OPHN1: variants seen among roughly 807,000 people sequenced by gnomAD.
The protein encoded by OPHN1 is oligophrenin 1.
A neutral mutation model predicts 60.7 loss-of-function variants in OPHN1; 11 were observed. The observed-to-expected ratio is 0.18, with a 90% CI of 0.11 to 0.30. OPHN1 has a LOEUF of 0.30. Ranked by LOEUF, OPHN1 falls within the 10% of genes least tolerant of loss-of-function variation. The pLI is 1.00. For synonymous variants in OPHN1, 226 were observed against 222.6 expected (o/e 1.02, Z -0.14); for missense variants, 449 against 611.0 (o/e 0.73, Z 2.80).
chrX:68,180,017 T>C (rs1325440877), intron 15 of OPHN1, among the ~76,000 whole-genome samples: 1 of 111,147 alleles, frequency 9.0e-6, no homozygotes, highest in Non-Finnish European at 1.9e-5. Context: ...TACGCTTCAG[T>C]TTGGGAGGGG....
At chrX:68,286,043 T>G (rs894222910) in intron 3 of OPHN1, among the ~76,000 whole-genome samples, 4 of 111,347 alleles carry the variant, frequency 3.6e-5, no homozygotes, top group African/African-American at 1.3e-4. Flanking sequence ...GGGCAGGTTC[T>G]ATTAATTGCT....
At chrX:68,122,831 G>A (rs1027789786) in intron 15 of OPHN1, among the ~76,000 whole-genome samples, 7 of 110,482 alleles carry the variant, frequency 6.3e-5, no homozygotes, top group Admixed American at 4.8e-4. Flanking sequence ...GAAAAACAAC[G>A]AAGCATGACT....
At chrX:68,300,345 T>C (rs752007579) in intron 2 of OPHN1, among the ~76,000 whole-genome samples, 54 of 112,607 alleles carry the variant, frequency 4.8e-4, no homozygotes, top group African/African-American at 1.7e-3. Flanking sequence ...AGCATTTGGC[T>C]GAAACAAATT....
intron 2 of OPHN1, among the ~76,000 whole-genome samples, chrX:68,350,225 T>C (rs941136266): frequency 9.0e-5 from 10 of 111,435 alleles, no homozygotes; most frequent in African/African-American, 3.3e-4. Flanking sequence ...TTTGAAAATA[T>C]GTACATCTAT....
intron 5 of OPHN1, among the ~76,000 whole-genome samples, chrX:68,267,272 T>G (rs1171995087): frequency 9.0e-6 from 1 of 111,500 alleles, no homozygotes; most frequent in Non-Finnish European, 1.9e-5. Context: ...GACCACATAG[T>G]TGGAAGTAAA....
At chrX:68,068,594 A>G (rs1270517742) in intron 20 of OPHN1, among the ~76,000 whole-genome samples, 6 of 110,997 alleles carry the variant, frequency 5.4e-5, no homozygotes, top group Non-Finnish European at 9.4e-5. Flanking sequence ...TACCCAAGAT[A>G]ATTAAAAACA....
In OPHN1 at chrX:68,299,084, G is replaced by A. The variant is rs1034133483; in HGVS notation, c.167C>T (p.Ala56Val). 8.6e-7 allele frequency: 1 copy of A among 1,169,075 alleles called. No individual in the cohort carries two copies. Among genetic ancestry groups the A allele is most frequent in the African/African-American group, 1.8e-5 (1 of 57,002 alleles). ...CAGCGTCTGGGAAAATTTCTGAACA[G>A]CAGAAGAATAATCTGCAAAGGAAGG... ...LISAMRNYSSAVQKFSQTLQS... is the reference protein window; with the variant it reads ...LISAMRNYSSVVQKFSQTLQS... The change falls in exon 3 of 25, where the codon GCT (alanine) becomes GTT (valine). Residue 56 changes from alanine to valine, a missense_variant. Around this residue, in one of 4 missense-constraint regions of OPHN1, gnomAD observed 99 missense variants for 155.2 expected, o/e 0.64. Coordinates refer to ENST00000355520, the MANE Select transcript of OPHN1 (RefSeq NM_002547.3).
intron 2 of OPHN1, among the ~76,000 whole-genome samples, chrX:68,371,838 G>A (rs1003987703): frequency 1.8e-5 from 2 of 112,410 alleles, no homozygotes; most frequent in Non-Finnish European, 3.8e-5. Flanking sequence ...TCTGCCTCCA[G>A]GATTCAAAGA....
intron 18 of OPHN1, among the ~76,000 whole-genome samples, chrX:68,110,162 A>C (rs2147427045): frequency 8.9e-6 from 1 of 111,913 alleles, no homozygotes; most frequent in African/African-American, 3.2e-5. Flanking sequence ...GTTTCCCCAT[A>C]GTCTAATTAA....
Position 68,212,024 on chromosome X carries a change from T to C in OPHN1, c.702+84A>G, listed in dbSNP as rs942822637. ...ACAAATTGGCTAGGATGCAGTAACC[T>C]AGAATTCCAAGAATCAAGGTCGCTA... On this transcript the variant is annotated intron_variant, in intron 8 of 24. Transcript: ENST00000355520. 1.0e-5 allele frequency: 7 copies of C among 669,320 alleles called. No individual in the cohort carries two copies. The Admixed American group carries it at 1.1e-4, about 10-fold the overall frequency. 55.2% of individuals were successfully genotyped at this position (669,320 alleles called of 1,213,427 possible).
At chrX:68,171,742 T>TAA (rs60388555) in intron 15 of OPHN1, among the ~76,000 whole-genome samples, 12 of 95,979 alleles carry the variant, frequency 1.3e-4, no homozygotes, top group Non-Finnish European at 1.9e-4. Flanking sequence ...ATCTCAAAAA[T>TAA]AAAAAAAAAA....
chrX:68,381,963 C>A (rs1337448510), intron 2 of OPHN1, among the ~76,000 whole-genome samples: 2 of 111,728 alleles, frequency 1.8e-5, no homozygotes, highest in Non-Finnish European at 3.8e-5. Context: ...CAGAAAATCT[C>A]AAATTATAGT....
At chrX:68,333,416 A>T (rs771116349) in intron 2 of OPHN1, among the ~76,000 whole-genome samples, 5 of 110,852 alleles carry the variant, frequency 4.5e-5, no homozygotes, top group African/African-American at 1.6e-4. Flanking sequence ...CAGGCAGATC[A>T]CCTGAGGCCG....
At chrX:68,322,030 G>A (rs1279247187) in intron 2 of OPHN1, among the ~76,000 whole-genome samples, 1 of 110,581 alleles carries the variant, frequency 9.0e-6, no homozygotes, top group African/African-American at 3.3e-5. Context: ...GGAGTGCAGT[G>A]GCGCCATCAT....
At chrX:68,156,152 C>T (rs1464721480) in intron 15 of OPHN1, among the ~76,000 whole-genome samples, 1 of 110,166 alleles carries the variant, frequency 9.1e-6, no homozygotes, top group East Asian at 2.9e-4. Flanking sequence ...TCAGAAATTT[C>T]TTAAAGAAAG....
rs182744468 is a variant in OPHN1, at chrX:68,254,636, T to C, written c.385-20048A>G. 2.6e-3 allele frequency among the ~76,000 whole-genome samples: 287 copies of C among 111,557 alleles called. 1 individual carries two copies. The highest frequency in any genetic ancestry group is 4.2e-3 in the Non-Finnish European group (223 of 53,117). The stretch of plus-strand genomic sequence containing the variant: ...TAGGAGTGGGCCCACAACTCCGCTA[T>C]TGCCAATGAGTTATTAGGGAAAGTC... On this transcript the variant is annotated intron_variant, in intron 5 of 24. Transcript: ENST00000355520.
intron 9 of OPHN1, among the ~76,000 whole-genome samples, chrX:68,209,631 A>T (rs769127249): frequency 8.9e-6 from 1 of 112,012 alleles, no homozygotes; most frequent in Non-Finnish European, 1.9e-5. Context: ...GTACTATAGT[A>T]GGATCATGGG....
chrX:68,119,839 C>G (rs1344375732), intron 15 of OPHN1, among the ~76,000 whole-genome samples: 1 of 111,617 alleles, frequency 9.0e-6, no homozygotes, highest in Non-Finnish European at 1.9e-5. Context: ...CTACAAGAGT[C>G]CTATCAAGTT....
chrX:68,138,666 C>G (rs2077230752), intron 15 of OPHN1, among the ~76,000 whole-genome samples: 1 of 112,131 alleles, frequency 8.9e-6, no homozygotes, highest in Non-Finnish European at 1.9e-5. Context: ...TGAATACCTA[C>G]TCAAAGACAG....
Sources: gnomAD v4.1 joint callset for allele counts (sites outside exome capture counted in the v4.1 genomes callset) on GRCh38, gnomAD v4.1.1 for gene constraint, gnomAD v4.1.1 regional missense constraint, MANE v1.5 for transcripts, NCBI Gene and HGNC (gene_info 2026-07-23, HGNC 2026-07-21) for gene names.